ZNRF1: variants seen among roughly 807,000 people sequenced by gnomAD.
ZNRF1 encodes zinc and ring finger 1.
A neutral mutation model predicts 18.4 loss-of-function variants in ZNRF1; 3 were observed. The ratio of observed to expected loss-of-function variants is 0.16; its 90% confidence interval spans 0.07 to 0.42. The LOEUF (loss-of-function observed/expected upper bound fraction) is 0.42. Among genes scored for constraint, ZNRF1 ranks in the 10% least tolerant of loss-of-function variants. The pLI, the probability that ZNRF1 is intolerant of heterozygous loss-of-function variation, is 0.99. For synonymous variants in ZNRF1, 157 were observed against 144.2 expected (o/e 1.09, Z -0.64); for missense variants, 310 against 329.8 (o/e 0.94, Z 0.47).
chr16:75,022,804 A>G (rs2145338145), intron 1 of ZNRF1, among the ~76,000 whole-genome samples: 1 of 152,310 alleles, frequency 6.6e-6, no homozygotes, highest in African/African-American at 2.4e-5. Context: ...GTACAGAGAG[A>G]ATCGGTAAAT....
At chr16:75,015,693 C>T (rs1264054597) in intron 1 of ZNRF1, among the ~76,000 whole-genome samples, 1 of 152,158 alleles carries the variant, frequency 6.6e-6, no homozygotes, top group Non-Finnish European at 1.5e-5. Context: ...AGATAGTCCT[C>T]CCACCTCAGT....
intron 1 of ZNRF1, among the ~76,000 whole-genome samples, chr16:75,006,801 T>C (rs1037310846): frequency 6.6e-6 from 1 of 152,166 alleles, no homozygotes; most frequent in Non-Finnish European, 1.5e-5. Flanking sequence ...AGCTTTCTCA[T>C]GGCCTAGTCT....
chr16:75,047,140 C>A (rs1029431511), intron 1 of ZNRF1, among the ~76,000 whole-genome samples: 5 of 152,050 alleles, frequency 3.3e-5, no homozygotes, highest in African/African-American at 1.2e-4. Context: ...TTATAGTGTT[C>A]CCTTAATATG....
intron 1 of ZNRF1, among the ~76,000 whole-genome samples, chr16:75,079,746 C>G (rs2035987188): frequency 6.6e-6 from 1 of 152,204 alleles, no homozygotes; most frequent in Non-Finnish European, 1.5e-5. Context: ...GCCTACTGGA[C>G]TGTGCCCTCT....
At chr16:75,028,590 C>T (rs1418872609) in intron 1 of ZNRF1, among the ~76,000 whole-genome samples, 4 of 152,214 alleles carry the variant, frequency 2.6e-5, no homozygotes, top group East Asian at 1.9e-4. Context: ...CCTCTGTGCC[C>T]GGCCCCTGCT....
rs757722825 is a variant in ZNRF1, at chr16:75,093,675, C to G, written c.520+8C>G. 6.2e-7 allele frequency: 1 copy of G among 1,610,802 alleles called. No individual in the cohort carries two copies. The highest frequency in any genetic ancestry group is 2.2e-5 in the East Asian group (1 of 44,844). On this transcript the variant is annotated splice_region_variant and intron_variant, in intron 2 of 4. Transcript: ENST00000335325. ...CTCGCCTCTCCTACAACGGTAAGGG[C>G]TTGGCCTGCCTCACCAGCCTCCAGA...
intron 1 of ZNRF1, among the ~76,000 whole-genome samples, chr16:75,011,513 A>G (rs1444439358): frequency 6.6e-6 from 1 of 152,116 alleles, no homozygotes; most frequent in African/African-American, 2.4e-5. Flanking sequence ...GACTGTGGGC[A>G]CACGCCACCA....
intron 1 of ZNRF1, among the ~76,000 whole-genome samples, chr16:75,052,658 A>C (rs1464358775): frequency 6.6e-6 from 1 of 152,072 alleles, no homozygotes; most frequent in Non-Finnish European, 1.5e-5. Flanking sequence ...GGCCACCTCC[A>C]TTTCCAGCAG....
intron 1 of ZNRF1, among the ~76,000 whole-genome samples, chr16:75,072,792 C>T (rs1427087981): frequency 6.6e-6 from 1 of 152,142 alleles, no homozygotes; most frequent in Admixed American, 6.5e-5. Flanking sequence ...TGTGACATGG[C>T]TCACCCAATT....
intron 1 of ZNRF1, among the ~76,000 whole-genome samples, chr16:75,093,082 G>A (rs989520673): frequency 7.2e-5 from 11 of 152,128 alleles, no homozygotes; most frequent in African/African-American, 2.4e-4. Context: ...TCAGTCAAAG[G>A]CTGCAATAAA....
At chr16:75,074,503 C>A (rs2035914380) in intron 1 of ZNRF1, among the ~76,000 whole-genome samples, 3 of 152,168 alleles carry the variant, frequency 2.0e-5, no homozygotes, top group Admixed American at 6.5e-5. Context: ...TCAAAATAAT[C>A]TGGTGCAGGG....
At chr16:75,079,489 A>G (rs1311906889) in intron 1 of ZNRF1, among the ~76,000 whole-genome samples, 2 of 152,160 alleles carry the variant, frequency 1.3e-5, no homozygotes, top group African/African-American at 4.8e-5. Flanking sequence ...AAAAACAAAA[A>G]CAAGAAACCT....
At chr16:75,066,243 A>G (rs1047459280) in intron 1 of ZNRF1, among the ~76,000 whole-genome samples, 7 of 152,250 alleles carry the variant, frequency 4.6e-5, no homozygotes, top group Non-Finnish European at 1.0e-4. Flanking sequence ...ATAAAGTATC[A>G]GATAACTGGC....
intron 1 of ZNRF1, among the ~76,000 whole-genome samples, chr16:75,008,329 A>T (rs573720782): frequency 6.6e-6 from 1 of 152,200 alleles, no homozygotes; most frequent in East Asian, 1.9e-4. Context: ...GGCCAAGCCA[A>T]TCTGCCTTGG....
At chr16:75,000,813 C>G (rs147045012) in intron 1 of ZNRF1, among the ~76,000 whole-genome samples, 5 of 152,176 alleles carry the variant, frequency 3.3e-5, no homozygotes, top group Non-Finnish European at 7.3e-5. Flanking sequence ...ATGCTAAGTG[C>G]TTGGTCTTCC....
chr16:75,087,728 G>A (rs980772750), intron 1 of ZNRF1, among the ~76,000 whole-genome samples: 8 of 152,238 alleles, frequency 5.3e-5, no homozygotes, highest in Non-Finnish European at 8.8e-5. Context: ...CCCGGGGTAC[G>A]TTCCCTGCCT....
chr16:75,048,173 A>T, intron 1 of ZNRF1, among the ~76,000 whole-genome samples: 1 of 150,992 alleles, frequency 6.6e-6, no homozygotes. Flanking sequence ...CTCATCTCAA[A>T]CTCCTGGACT....
intron 1 of ZNRF1, among the ~76,000 whole-genome samples, chr16:75,043,609 G>A (rs2035476720): frequency 6.6e-6 from 1 of 151,972 alleles, no homozygotes; most frequent in South Asian, 2.1e-4. Flanking sequence ...AAATGGATAA[G>A]ACATGGTTCT....
intron 1 of ZNRF1, chr16:75,000,411 T>G (rs1306943243): frequency 3.7e-6 from 2 of 540,840 alleles, no homozygotes; most frequent in Non-Finnish European, 7.1e-6. Context: ...TGAGAGCAAG[T>G]CAGCCTGGGT....
Sources: gnomAD v4.1 joint callset for allele counts (sites outside exome capture counted in the v4.1 genomes callset) on GRCh38, gnomAD v4.1.1 for gene constraint, MANE v1.5 for transcripts, NCBI Gene and HGNC (gene_info 2026-07-23, HGNC 2026-07-21) for gene names.